Variants in COG5 observed in about 807,000 individuals in gnomAD.
The protein encoded by COG5 is conserved oligomeric Golgi complex subunit 5.
COG5 carries 86 observed loss-of-function variants against 110.4 expected under a neutral mutation model. The observed-to-expected ratio is 0.78, with a 90% CI of 0.65 to 0.93. The LOEUF (loss-of-function observed/expected upper bound fraction) is 0.93, where lower values mean the gene tolerates loss of function less well. Ranked by LOEUF, COG5 falls within the 40% of genes least tolerant of loss-of-function variation. The probability of loss-of-function intolerance (pLI) is 0.00; values close to 1 mark genes in which losing one functional copy is unlikely to be tolerated. For missense variants in COG5, 1,077 were observed against 987.0 expected, an observed-to-expected ratio of 1.09 and a Z score of -1.22; for synonymous variants, 360 against 334.6, an observed-to-expected ratio of 1.08 and a Z score of -0.83.
intron 6 of COG5, among the ~76,000 whole-genome samples, chr7:107,513,134 T>G: frequency 6.6e-6 from 1 of 151,710 alleles, no homozygotes; most frequent in Non-Finnish European, 1.5e-5. Flanking sequence ...GAGAAAATTT[T>G]TGCAACCTAC....
intron 6 of COG5, among the ~76,000 whole-genome samples, chr7:107,441,207 G>C (rs781419979): frequency 1.9e-4 from 25 of 132,104 alleles, no homozygotes; most frequent in Non-Finnish European, 3.4e-4. Flanking sequence ...AGTGAGCCGA[G>C]ATCGCGCCAC....
chr7:107,483,643 G>A (rs1797477644), intron 6 of COG5, among the ~76,000 whole-genome samples: 1 of 151,836 alleles, frequency 6.6e-6, no homozygotes, highest in African/African-American at 2.4e-5. Context: ...GGCAAAGGTT[G>A]TGGTGAGCCA....
intron 19 of COG5, among the ~76,000 whole-genome samples, chr7:107,221,884 T>C (rs920632484): frequency 1.3e-5 from 2 of 152,188 alleles, no homozygotes; most frequent in Non-Finnish European, 2.9e-5. Flanking sequence ...CTTCATGAAG[T>C]TTAAAGCCAA....
chr7:107,421,809 T>A (rs1343979928), intron 6 of COG5, among the ~76,000 whole-genome samples: 1 of 152,104 alleles, frequency 6.6e-6, no homozygotes, highest in Admixed American at 6.5e-5. Flanking sequence ...GGAATCAAAT[T>A]AGGAAATTTT....
chr7:107,473,667 T>C (rs1796784501), intron 6 of COG5, among the ~76,000 whole-genome samples: 1 of 151,944 alleles, frequency 6.6e-6, no homozygotes. Flanking sequence ...TCACAACATT[T>C]AAATGAAATT....
chr7:107,428,091 T>G (rs946428727), intron 6 of COG5, among the ~76,000 whole-genome samples: 7 of 152,074 alleles, frequency 4.6e-5, no homozygotes, highest in African/African-American at 1.7e-4. Flanking sequence ...GGTAGGTATA[T>G]GTAAAACAGG....
intron 6 of COG5, among the ~76,000 whole-genome samples, chr7:107,507,297 CTTTTT>C (rs10713224): frequency 7.6e-6 from 1 of 131,608 alleles, no homozygotes; most frequent in Non-Finnish European, 1.6e-5. Flanking sequence ...CTTTTCTTTT[CTTTTT>C]TTTTTTTTTT....
intron 7 of COG5, among the ~76,000 whole-genome samples, chr7:107,381,977 T>A (rs998986288): frequency 6.6e-6 from 1 of 152,234 alleles, no homozygotes; most frequent in African/African-American, 2.4e-5. Flanking sequence ...GTTGTTTGCA[T>A]CAGTGCAACA....
intron 14 of COG5, among the ~76,000 whole-genome samples, chr7:107,278,867 A>T (rs192510647): frequency 6.6e-6 from 1 of 152,236 alleles, no homozygotes; most frequent in Admixed American, 6.5e-5. Flanking sequence ...CATTCAGGAC[A>T]CAGGCATGGG....
intron 10 of COG5, among the ~76,000 whole-genome samples, chr7:107,342,653 G>A (rs986932614): frequency 1.3e-5 from 2 of 151,976 alleles, no homozygotes; most frequent in East Asian, 3.9e-4. Flanking sequence ...ATTCCAGCCT[G>A]GGCAACAGAG....
intron 12 of COG5, among the ~76,000 whole-genome samples, chr7:107,289,402 T>C (rs1462141063): frequency 1.4e-4 from 22 of 152,152 alleles, no homozygotes; most frequent in Non-Finnish European, 2.9e-5. Flanking sequence ...GGGATTAAAA[T>C]TGCTTTGTAG....
chr7:107,491,416 C>T (rs991211691), intron 6 of COG5, among the ~76,000 whole-genome samples: 10 of 152,216 alleles, frequency 6.6e-5, no homozygotes, highest in African/African-American at 2.4e-4. Context: ...ACATAGACTG[C>T]TGATACATAT....
At chr7:107,540,790 C>A (rs2712224) in intron 5 of COG5, among the ~76,000 whole-genome samples, 30,273 of 151,564 alleles carry the variant, frequency 0.2, 3,320 homozygotes, top group East Asian at 0.33. Flanking sequence ...AAACCCATAA[C>A]AAGAAACAAG....
rs193227946 is a variant in COG5 at position 107,508,381 on chromosome 7, G to C, written c.538+18856C>G. On this transcript the variant is annotated intron_variant, in intron 6 of 21. Transcript: ENST00000297135. Reference sequence around the variant, plus strand: ...TTGATTAGGTAAACAAAGCAGCCCCGAAGCTCCAACTGGGTGGAGCCCACC... The same window carrying C: ...TTGATTAGGTAAACAAAGCAGCCCCCAAGCTCCAACTGGGTGGAGCCCACC... Among the ~76,000 whole-genome samples, 714 of 152,316 alleles carry C rather than the reference G, an allele frequency of 4.7e-3. 15 individuals carry two copies. Among genetic ancestry groups the C allele is most frequent in the Admixed American group, 0.036 (545 of 15,300 alleles).
chr7:107,210,519 G>C lies in COG5; in HGVS notation c.2375+7C>G. On this transcript the variant is annotated splice_region_variant and intron_variant, in intron 21 of 21. Coordinates refer to ENST00000297135, the MANE Select transcript of COG5 (RefSeq NM_006348.5). ...CAGATGGGTGCCCCCAGAGCACCTGGCTTTACCTGATGAGGAGGAGCCTGT... is the reference window on the plus strand; with the variant it reads ...CAGATGGGTGCCCCCAGAGCACCTGCCTTTACCTGATGAGGAGGAGCCTGT... 1 of 1,591,708 alleles carries C rather than the reference G, an allele frequency of 6.3e-7. No individual in the cohort carries two copies. Among genetic ancestry groups the C allele is most frequent in the Admixed American group, 1.8e-5 (1 of 56,634 alleles).
At chr7:107,412,164 T>C (rs1424496048) in intron 7 of COG5, among the ~76,000 whole-genome samples, 2 of 152,074 alleles carry the variant, frequency 1.3e-5, no homozygotes, top group Non-Finnish European at 2.9e-5. Context: ...ATAATACCAA[T>C]CTTACTGGGT....
At chr7:107,340,443 TA>T (rs1180323234) in intron 10 of COG5, among the ~76,000 whole-genome samples, 1 of 151,810 alleles carries the variant, frequency 6.6e-6, no homozygotes, top group African/African-American at 2.4e-5. Flanking sequence ...CTACCAGACA[TA>T]AAAAAGGGCT....
intron 7 of COG5, among the ~76,000 whole-genome samples, chr7:107,407,809 C>T (rs568933842): frequency 2.0e-5 from 3 of 151,938 alleles, no homozygotes; most frequent in Admixed American, 6.6e-5. Context: ...AAATGCAAAC[C>T]ACAGAGGCTG....
chr7:107,241,073 A>G (rs1258855634), intron 17 of COG5, among the ~76,000 whole-genome samples: 2 of 152,258 alleles, frequency 1.3e-5, no homozygotes. Context: ...TAAGCAAATT[A>G]GTAAAAACAC....
Sources: allele counts gnomAD v4.1 joint callset (sites outside exome capture counted in the v4.1 genomes callset), GRCh38; gene constraint gnomAD v4.1.1; transcripts MANE v1.5; gene names NCBI Gene and HGNC (gene_info 2026-07-23, HGNC 2026-07-21).